The following TENM3 variants were observed in gnomAD, a reference collection of about 807,000 sequenced individuals.
The protein encoded by TENM3 is teneurin-3.
TENM3 carries 63 observed loss-of-function variants against 255.1 expected under a neutral mutation model. That is an observed-to-expected ratio of 0.25 (90% CI 0.20 to 0.30). The LOEUF (loss-of-function observed/expected upper bound fraction) is 0.30. TENM3 is among the 10% of genes least tolerant of loss of function. TENM3 has a pLI of 1.00. For missense variants in TENM3, 2,929 were observed against 3,461.1 expected (o/e 0.85, Z 3.86); for synonymous variants, 1,306 against 1,322.3 (o/e 0.99, Z 0.27).
At chr4:182,093,860 A>G in the TENM3 span, among the ~76,000 whole-genome samples, 2 of 152,334 alleles carry the variant, frequency 1.3e-5, no homozygotes, top group African/African-American at 4.8e-5. Context: ...ACCATGAAAG[A>G]TTTCAATTTC....
chr4:181,554,559 T>C, the TENM3 span, among the ~76,000 whole-genome samples: 1 of 152,190 alleles, frequency 6.6e-6, no homozygotes. Context: ...GAAGAAAATG[T>C]TGTCATTGTG....
chr4:182,313,362 G>A (rs1055296412), intron 1 of TENM3, among the ~76,000 whole-genome samples: 5 of 151,626 alleles, frequency 3.3e-5, no homozygotes, highest in African/African-American at 1.2e-4. Context: ...ATTCATCCAT[G>A]ATGAGTAGTT....
the TENM3 span, among the ~76,000 whole-genome samples, chr4:182,130,781 A>G: frequency 6.6e-6 from 1 of 152,140 alleles, no homozygotes; most frequent in Non-Finnish European, 1.5e-5. Context: ...CACACAAATC[A>G]TTACATTATA....
the TENM3 span, among the ~76,000 whole-genome samples, chr4:181,729,808 G>A: frequency 2.0e-5 from 3 of 152,252 alleles, no homozygotes; most frequent in East Asian, 5.8e-4. Context: ...CCAGCCAATG[G>A]TGACAGGAGA....
At chr4:181,750,241 C>T in the TENM3 span, among the ~76,000 whole-genome samples, 4 of 152,042 alleles carry the variant, frequency 2.6e-5, no homozygotes, top group Non-Finnish European at 5.9e-5. Flanking sequence ...AGAAGAACCT[C>T]AAGAGAGGAG....
chr4:182,139,256 A>T (rs990693992), upstream of TENM3, among the ~76,000 whole-genome samples: 1 of 152,222 alleles, frequency 6.6e-6, no homozygotes, highest in African/African-American at 2.4e-5. Flanking sequence ...TAGGTACTTT[A>T]AAAACTATGT....
intron 3 of TENM3, among the ~76,000 whole-genome samples, chr4:182,524,850 AAAAAAG>A (rs1295352085): frequency 4.6e-5 from 7 of 151,750 alleles, no homozygotes; most frequent in Admixed American, 1.3e-4. Flanking sequence ...CAAAAAAAAA[AAAAAAG>A]AAAAGAAAAG....
At chr4:182,616,208 T>A (rs1197580675) in intron 4 of TENM3, among the ~76,000 whole-genome samples, 5 of 152,046 alleles carry the variant, frequency 3.3e-5, no homozygotes, top group African/African-American at 1.2e-4. Context: ...ATCAGTCTTG[T>A]TGAACTGTTT....
chr4:181,538,675 T>A, the TENM3 span, among the ~76,000 whole-genome samples: 1 of 151,990 alleles, frequency 6.6e-6, no homozygotes, highest in Non-Finnish European at 1.5e-5. Context: ...GCACACGGAG[T>A]ATGCCTGTAG....
the TENM3 span, among the ~76,000 whole-genome samples, chr4:181,795,680 CAA>C: frequency 6.6e-6 from 1 of 152,036 alleles, no homozygotes; most frequent in East Asian, 1.9e-4. Context: ...ACTGATAACT[CAA>C]AAGACAATAA....
At chr4:182,664,215 G>A (rs1255294928) in intron 6 of TENM3, among the ~76,000 whole-genome samples, 1 of 152,156 alleles carries the variant, frequency 6.6e-6, no homozygotes, top group Non-Finnish European at 1.5e-5. Flanking sequence ...CTCACATCAT[G>A]TCTCTCTGTT....
At chr4:182,399,817 T>G (rs1295426565) in intron 3 of TENM3, among the ~76,000 whole-genome samples, 1 of 152,166 alleles carries the variant, frequency 6.6e-6, no homozygotes, top group Non-Finnish European at 1.5e-5. Flanking sequence ...AGAGTGAGTC[T>G]CTGGTAGTCT....
chr4:182,763,532 G>A (rs1330503629), intron 22 of TENM3, among the ~76,000 whole-genome samples: 1 of 151,048 alleles, frequency 6.6e-6, no homozygotes, highest in Non-Finnish European at 1.5e-5. Flanking sequence ...GCCAGCCTGG[G>A]CGACAGAGTG....
At chr4:181,756,892 G>A in the TENM3 span, among the ~76,000 whole-genome samples, 1 of 152,100 alleles carries the variant, frequency 6.6e-6, no homozygotes, top group Non-Finnish European at 1.5e-5. Context: ...AAAAGTACTA[G>A]CTAATCCTCC....
At chr4:182,531,598 G>A (rs1293993328) in intron 3 of TENM3, among the ~76,000 whole-genome samples, 1 of 152,166 alleles carries the variant, frequency 6.6e-6, no homozygotes, top group Non-Finnish European at 1.5e-5. Context: ...TCAGCAAAAG[G>A]AAAAGACATG....
At chr4:182,092,243 T>G in the TENM3 span, among the ~76,000 whole-genome samples, 2 of 151,842 alleles carry the variant, frequency 1.3e-5, no homozygotes, top group Non-Finnish European at 2.9e-5. Flanking sequence ...CAGGAGGCTG[T>G]GGTGGGAGAA....
the TENM3 span, among the ~76,000 whole-genome samples, chr4:182,027,529 G>A: frequency 6.6e-6 from 1 of 151,086 alleles, no homozygotes; most frequent in African/African-American, 2.4e-5. Context: ...TGATGAAAAT[G>A]GGCATCCTGG....
the TENM3 span, among the ~76,000 whole-genome samples, chr4:181,948,249 A>G: frequency 3.3e-5 from 5 of 152,174 alleles, no homozygotes; most frequent in Admixed American, 6.5e-5. Flanking sequence ...CACGGGGGGA[A>G]AAAATAGAGA....
chr4:181,680,794 T>C, the TENM3 span, among the ~76,000 whole-genome samples: 1 of 152,108 alleles, frequency 6.6e-6, no homozygotes, highest in South Asian at 2.1e-4. Flanking sequence ...GTTTCACAGA[T>C]GCATCGTTAA....
Sources: gnomAD v4.1 joint callset for allele counts (sites outside exome capture counted in the v4.1 genomes callset) on GRCh38, gnomAD v4.1.1 for gene constraint, MANE v1.5 for transcripts, NCBI Gene and HGNC (gene_info 2026-07-23, HGNC 2026-07-21) for gene names.